CFAP61: variants seen among roughly 807,000 people sequenced by gnomAD.
CFAP61 encodes the protein cilia and flagella associated protein 61.
Under a neutral mutation model 135.6 loss-of-function variants are expected in CFAP61, and 107 were observed. That is an observed-to-expected ratio of 0.79 (90% CI 0.67 to 0.93). The LOEUF (loss-of-function observed/expected upper bound fraction) is 0.93. CFAP61 is among the 40% of genes least tolerant of loss of function. CFAP61 has a pLI of 0.00. For synonymous variants in CFAP61, 575 were observed against 578.5 expected, an observed-to-expected ratio of 0.99 and a Z score of 0.09; for missense variants, 1,507 against 1,556.2, an observed-to-expected ratio of 0.97 and a Z score of 0.53.
At chr20:20,261,495 C>T (rs540045906) in intron 20 of CFAP61, among the ~76,000 whole-genome samples, 2 of 152,312 alleles carry the variant, frequency 1.3e-5, no homozygotes, top group Admixed American at 1.3e-4. Context: ...CTCAGGCTCC[C>T]TCTAGGCTGC....
At chr20:20,089,489 G>A (rs1019240184) in intron 6 of CFAP61, among the ~76,000 whole-genome samples, 1 of 151,090 alleles carries the variant, frequency 6.6e-6, no homozygotes, top group South Asian at 2.1e-4. Context: ...TGGTAGCATA[G>A]TAAAGCTAGG....
chr20:20,355,631 CACTA>C, intron 26 of CFAP61, among the ~76,000 whole-genome samples: 1 of 133,450 alleles, frequency 7.5e-6, no homozygotes, highest in East Asian at 2.3e-4. Context: ...GAGAAGGTCA[CACTA>C]AGGGGAGGTA....
intron 6 of CFAP61, chr20:20,085,083 C>T: frequency 1.0e-6 from 1 of 984,380 alleles, no homozygotes; most frequent in Non-Finnish European, 1.2e-6. Context: ...GAGAATTGTA[C>T]TATTTCCGTT....
intron 2 of CFAP61, among the ~76,000 whole-genome samples, chr20:20,058,411 T>G (rs1451801088): frequency 1.3e-5 from 2 of 151,872 alleles, no homozygotes; most frequent in African/African-American, 2.4e-5. Flanking sequence ...CAGGAACCAA[T>G]GCTAGCTTCA....
chr20:20,079,368 G>A (rs2046275644), intron 6 of CFAP61, among the ~76,000 whole-genome samples: 1 of 152,164 alleles, frequency 6.6e-6, no homozygotes, highest in Non-Finnish European at 1.5e-5. Context: ...CACAGGAGAG[G>A]CCAAATTGCA....
At chr20:20,230,199 CCAAT>C (rs1478226719) in intron 18 of CFAP61, among the ~76,000 whole-genome samples, 8 of 152,176 alleles carry the variant, frequency 5.3e-5, no homozygotes, top group Admixed American at 2.6e-4. Flanking sequence ...ATTAAATTTC[CCAAT>C]CAAACAGAGC....
intron 20 of CFAP61, among the ~76,000 whole-genome samples, chr20:20,261,663 G>A (rs1007355): frequency 6.6e-6 from 1 of 151,876 alleles, no homozygotes; most frequent in Non-Finnish European, 1.5e-5. Flanking sequence ...TAATTTGAAC[G>A]AATATAATAA....
intron 25 of CFAP61, among the ~76,000 whole-genome samples, chr20:20,324,487 A>T (rs1465060939): frequency 1.3e-5 from 2 of 152,156 alleles, no homozygotes; most frequent in East Asian, 3.8e-4. Flanking sequence ...GAATAGCTAA[A>T]TCCCAATTTA....
At chr20:20,210,457 A>G (rs2047550407) in intron 17 of CFAP61, among the ~76,000 whole-genome samples, 2 of 152,230 alleles carry the variant, frequency 1.3e-5, no homozygotes, top group Admixed American at 6.5e-5. Flanking sequence ...ACAGCACAGA[A>G]TTGACGCATT....
chr20:20,099,578 CG>C (rs59967144), intron 8 of CFAP61, among the ~76,000 whole-genome samples: 101,532 of 150,550 alleles, frequency 0.67, 34,579 homozygotes, highest in Middle Eastern at 0.76. Flanking sequence ...ACCTCCCACA[CG>C]GGGGGGGGGT....
At chr20:20,068,852 C>T (rs1360992112) in intron 2 of CFAP61, among the ~76,000 whole-genome samples, 1 of 152,226 alleles carries the variant, frequency 6.6e-6, no homozygotes, top group African/African-American at 2.4e-5. Flanking sequence ...TCAAGCCATT[C>T]TCCTGCCTCA....
chr20:20,249,571 T>C (rs552280424), intron 19 of CFAP61, among the ~76,000 whole-genome samples: 23 of 152,094 alleles, frequency 1.5e-4, no homozygotes, highest in Non-Finnish European at 3.4e-4. Context: ...TAGTAACATA[T>C]TGTAACAGCA....
intron 13 of CFAP61, among the ~76,000 whole-genome samples, chr20:20,181,961 A>G (rs529043390): frequency 1.4e-3 from 208 of 152,324 alleles, no homozygotes; most frequent in African/African-American, 4.9e-3. Context: ...TTCCTATTGA[A>G]AACTTGCAGA....
intron 17 of CFAP61, among the ~76,000 whole-genome samples, chr20:20,211,748 C>A (rs1460571560): frequency 1.3e-5 from 2 of 152,124 alleles, no homozygotes; most frequent in African/African-American, 4.8e-5. Context: ...TAATTCAGTG[C>A]ATTGAAATTA....
At chr20:20,105,017 TG>T (rs1214258630) in intron 8 of CFAP61, among the ~76,000 whole-genome samples, 1 of 152,096 alleles carries the variant, frequency 6.6e-6, no homozygotes, top group African/African-American at 2.4e-5. Context: ...GTACGAGTTT[TG>T]GGGGTGGGAG....
chr20:20,339,521 G>A (rs2058357744), intron 25 of CFAP61, among the ~76,000 whole-genome samples: 1 of 152,158 alleles, frequency 6.6e-6, no homozygotes, highest in Non-Finnish European at 1.5e-5. Flanking sequence ...GTAGGCTGGA[G>A]TGCAGTGGCG....
intron 23 of CFAP61, 129 bp from the exon 24 acceptor site, chr20:20,290,171 A>G: frequency 1.5e-6 from 1 of 672,434 alleles, no homozygotes; most frequent in East Asian, 2.5e-5. Flanking sequence ...TGTTAGTGGT[A>G]CTTTAGTGTG....
chr20:20,277,750 G>T (rs1601778444), intron 22 of CFAP61, among the ~76,000 whole-genome samples: 1 of 152,176 alleles, frequency 6.6e-6, no homozygotes, highest in Non-Finnish European at 1.5e-5. Flanking sequence ...ACTTGAGGTC[G>T]CTCATGCGGC....
chr20:20,152,738 A>G (rs373696694), intron 9 of CFAP61, among the ~76,000 whole-genome samples: 1 of 152,210 alleles, frequency 6.6e-6, no homozygotes, highest in Non-Finnish European at 1.5e-5. Context: ...ATTACTAGAC[A>G]TAAGAAATGA....
Sources: allele counts gnomAD v4.1 joint callset (sites outside exome capture counted in the v4.1 genomes callset), GRCh38; gene constraint gnomAD v4.1.1; transcripts MANE v1.5; gene names NCBI Gene and HGNC (gene_info 2026-07-23, HGNC 2026-07-21).